CNTN5: variants seen among roughly 807,000 people sequenced by gnomAD.
CNTN5 encodes the protein contactin-5.
CNTN5 carries 77 observed loss-of-function variants against 129.1 expected under a neutral mutation model. The ratio of observed to expected loss-of-function variants is 0.60; its 90% confidence interval spans 0.50 to 0.72. The LOEUF (loss-of-function observed/expected upper bound fraction) is 0.72. Among genes scored for constraint, CNTN5 ranks in the 30% least tolerant of loss-of-function variants. CNTN5 has a pLI of 0.00. For missense variants in CNTN5, 1,478 were observed against 1,328.8 expected (o/e 1.11, Z -1.75); for synonymous variants, 509 against 465.6 (o/e 1.09, Z -1.20).
At chr11:100,191,603 C>CT (rs1326817317) in intron 14 of CNTN5, among the ~76,000 whole-genome samples, 1 of 151,958 alleles carries the variant, frequency 6.6e-6, no homozygotes, top group Non-Finnish European at 1.5e-5. Flanking sequence ...GCATCAATCA[C>CT]TAATATTACT....
chr11:99,056,915 T>A (rs1864646367), intron 1 of CNTN5, among the ~76,000 whole-genome samples: 1 of 152,078 alleles, frequency 6.6e-6, no homozygotes, highest in African/African-American at 2.4e-5. Flanking sequence ...TGAATGTAAC[T>A]TTTCTTTTAT....
intron 2 of CNTN5, among the ~76,000 whole-genome samples, chr11:99,373,992 A>G (rs909119708): frequency 1.3e-5 from 2 of 152,212 alleles, no homozygotes; most frequent in African/African-American, 4.8e-5. Flanking sequence ...TTCTAAATTC[A>G]ATTTTAACTA....
At chr11:99,270,122 C>T (rs990033579) in intron 1 of CNTN5, among the ~76,000 whole-genome samples, 1 of 151,668 alleles carries the variant, frequency 6.6e-6, no homozygotes, top group Admixed American at 6.6e-5. Context: ...CCCTTAAAAA[C>T]ACTGTTCCAT....
At chr11:99,610,280 T>C (rs1335078957) in intron 3 of CNTN5, among the ~76,000 whole-genome samples, 1 of 152,096 alleles carries the variant, frequency 6.6e-6, no homozygotes, top group Non-Finnish European at 1.5e-5. Context: ...AATAGGAAAA[T>C]ATCACTGATG....
At chr11:99,309,819 T>A (rs922389845) in intron 1 of CNTN5, among the ~76,000 whole-genome samples, 1 of 152,174 alleles carries the variant, frequency 6.6e-6, no homozygotes, top group Admixed American at 6.6e-5. Flanking sequence ...TAAGTTTTTT[T>A]TAAAAATTTA....
intron 2 of CNTN5, among the ~76,000 whole-genome samples, chr11:99,427,677 A>T (rs1943187265): frequency 6.7e-6 from 1 of 150,246 alleles, no homozygotes; most frequent in South Asian, 2.1e-4. Context: ...GAGGAAGGAG[A>T]ATCACTTGAA....
intron 13 of CNTN5, among the ~76,000 whole-genome samples, chr11:100,180,058 C>T (rs952461957): frequency 3.3e-5 from 5 of 151,990 alleles, no homozygotes; most frequent in African/African-American, 9.7e-5. Context: ...ACTCATTATA[C>T]AAGGACAACA....
chr11:99,304,471 G>C (rs1864785293), intron 1 of CNTN5, among the ~76,000 whole-genome samples: 1 of 152,138 alleles, frequency 6.6e-6, no homozygotes, highest in South Asian at 2.1e-4. Context: ...GAATGAATCA[G>C]GTCTAATACC....
At chr11:100,195,278 C>T (rs1161424412) in intron 15 of CNTN5, among the ~76,000 whole-genome samples, 1 of 151,754 alleles carries the variant, frequency 6.6e-6, no homozygotes, top group Non-Finnish European at 1.5e-5. Context: ...AATAAATAGC[C>T]CCTCTTCTTA....
intron 16 of CNTN5, among the ~76,000 whole-genome samples, chr11:100,252,206 G>A (rs72985633): frequency 0.04 from 6,093 of 152,176 alleles, 211 homozygotes; most frequent in East Asian, 0.17. Context: ...GTGGTCATTT[G>A]TGTGTCTTCT....
intron 3 of CNTN5, among the ~76,000 whole-genome samples, chr11:99,782,365 G>T (rs1166910788): frequency 6.7e-6 from 1 of 149,518 alleles, no homozygotes; most frequent in Non-Finnish European, 1.5e-5. Flanking sequence ...ATGCTCATGG[G>T]TAGGAAGAAT....
Position 99,665,030 on chromosome 11 carries a change from A to ATTATGT in CNTN5, c.55+108765_55+108770dup, listed in dbSNP as rs553591163. Among the ~76,000 whole-genome samples the ATTATGT allele has an allele frequency of 2.2e-3, 339 of 152,310 alleles. 1 individual carries two copies. The highest frequency in any genetic ancestry group is 7.4e-3 in the African/African-American group (309 of 41,590). ...CACAATAATTGAATAAGAATATGTAATTATGTTTAGAAAATAAACCTTGAA... is the reference window on the plus strand; with the variant it reads ...CACAATAATTGAATAAGAATATGTAATTATGTTTATGTTTAGAAAATAAACCTTGAA... On this transcript the variant is annotated intron_variant, in intron 3 of 24. Coordinates refer to ENST00000524871, the MANE Select transcript of CNTN5 (RefSeq NM_014361.4).
At chr11:100,237,188 CAAAAAAAAAAA>C (rs397977189) in intron 16 of CNTN5, among the ~76,000 whole-genome samples, 1 of 71,108 alleles carries the variant, frequency 1.4e-5, no homozygotes, top group Non-Finnish European at 2.9e-5. Flanking sequence ...GACTCCGTCT[CAAAAAAAAAAA>C]AAAAAAAAAG....
chr11:100,179,555 A>G (rs1948074357), intron 13 of CNTN5, among the ~76,000 whole-genome samples: 1 of 152,272 alleles, frequency 6.6e-6, no homozygotes, highest in South Asian at 2.1e-4. Flanking sequence ...AGTTCAACCA[A>G]ATAGAAATAA....
intron 1 of CNTN5, among the ~76,000 whole-genome samples, chr11:99,308,181 A>G (rs1052716075): frequency 1.3e-5 from 2 of 152,226 alleles, no homozygotes; most frequent in Admixed American, 1.3e-4. Flanking sequence ...ACTGGAAACC[A>G]TAACTTCTTA....
intron 13 of CNTN5, among the ~76,000 whole-genome samples, chr11:100,172,980 CAT>C (rs569134750): frequency 6.7e-4 from 102 of 152,140 alleles, no homozygotes; most frequent in African/African-American, 2.4e-3. Flanking sequence ...ATTGCAGTAA[CAT>C]AGATGAATCC....
chr11:99,499,832 C>T (rs867035051), intron 2 of CNTN5, among the ~76,000 whole-genome samples: 139 of 152,166 alleles, frequency 9.1e-4, no homozygotes, highest in African/African-American at 3.0e-3. Flanking sequence ...GATGTGTTTC[C>T]TATGAAATTC....
chr11:99,493,456 C>A (rs892635297), intron 2 of CNTN5, among the ~76,000 whole-genome samples: 1 of 152,152 alleles, frequency 6.6e-6, no homozygotes, highest in Non-Finnish European at 1.5e-5. Context: ...TAATTCTATA[C>A]CTTTTGCCAT....
chr11:99,115,525 G>A (rs1466090944), intron 1 of CNTN5, among the ~76,000 whole-genome samples: 1 of 152,150 alleles, frequency 6.6e-6, no homozygotes, highest in African/African-American at 2.4e-5. Flanking sequence ...TTGTGAGGCT[G>A]AGGTTAGGCG....
Sources: allele counts gnomAD v4.1 joint callset (sites outside exome capture counted in the v4.1 genomes callset), GRCh38; gene constraint gnomAD v4.1.1; transcripts MANE v1.5; gene names NCBI Gene and HGNC (gene_info 2026-07-23, HGNC 2026-07-21).